KIAA0513: variants seen among roughly 807,000 people sequenced by gnomAD.
KIAA0513 encodes the protein KIAA0513, also known as uncharacterized protein KIAA0513.
Under a neutral mutation model 56.5 loss-of-function variants are expected in KIAA0513, and 39 were observed. That is an observed-to-expected ratio of 0.69 (90% CI 0.53 to 0.90). The LOEUF (loss-of-function observed/expected upper bound fraction) is 0.90, where lower values mean the gene tolerates loss of function less well. Among genes scored for constraint, KIAA0513 ranks in the 40% least tolerant of loss-of-function variants. The pLI, the probability that KIAA0513 is intolerant of heterozygous loss-of-function variation, is 0.00. For missense variants in KIAA0513, 591 were observed against 535.2 expected, an observed-to-expected ratio of 1.10 and a Z score of -1.03; for synonymous variants, 268 against 215.6, an observed-to-expected ratio of 1.24 and a Z score of -2.13.
rs1329920138 is a variant in KIAA0513, at chr16:85,081,648, C to G, written c.980+256C>G. On this transcript the variant is annotated intron_variant, in intron 9 of 12. Transcript: ENST00000683363. This position sits in a 1 kb window ranked among gnomAD's most constrained non-coding sequence, Gnocchi z 4.4. Reference sequence around the variant, plus strand: ...GGCCTGACCCTCCTAAAAATGCAAACTCCCACTAAGACCATCAGGACCCCT... The same window carrying G: ...GGCCTGACCCTCCTAAAAATGCAAAGTCCCACTAAGACCATCAGGACCCCT... Among the ~76,000 whole-genome samples, 1 of 152,176 alleles carries G rather than the reference C, an allele frequency of 6.6e-6. No individual in the cohort carries two copies. The highest frequency in any genetic ancestry group is 1.5e-5 in the Non-Finnish European group (1 of 68,030).
At chr16:85,069,865 A>G (rs545847294) in intron 2 of KIAA0513, among the ~76,000 whole-genome samples, 2 of 152,266 alleles carry the variant, frequency 1.3e-5, no homozygotes, top group South Asian at 4.1e-4. Context: ...CAGTTTCATT[A>G]ACACAATTAG....
rs1408977363 is a variant in KIAA0513 at position 85,092,403 on chromosome 16, G to C, written c.*4078G>C. ...AGAAAGAGAACTTTAAAAATTAGAG[G>C]GTCCCTTTCTGCAGAGGAAGGGATG... On this transcript the variant is annotated 3_prime_UTR_variant, in exon 13 of 13. Coordinates refer to ENST00000683363, the MANE Select transcript of KIAA0513 (RefSeq NM_001388359.1). 6.6e-6 allele frequency: 1 copy of C among 152,184 alleles called. No homozygotes were observed. The highest frequency in any genetic ancestry group is 1.5e-5 in the Non-Finnish European group (1 of 68,068). The allele number at this position is 152,184 out of a possible 1,614,324, so 9.4% of individuals were successfully genotyped here. A position where few individuals can be genotyped will look rare whatever the true frequency, so the allele number is the denominator to read the frequency against.
chr16:85,064,882 A>C (rs1255580432), intron 1 of KIAA0513, among the ~76,000 whole-genome samples: 1 of 152,076 alleles, frequency 6.6e-6, no homozygotes, highest in East Asian at 1.9e-4. Flanking sequence ...ATGGGGTTTC[A>C]CCATGTTGCC....
At chr16:85,047,731 C>T (rs180680005) in intron 1 of KIAA0513, among the ~76,000 whole-genome samples, 3 of 152,230 alleles carry the variant, frequency 2.0e-5, no homozygotes, top group East Asian at 3.9e-4. Flanking sequence ...TGACCCCTTT[C>T]CTGTTACTAG....
At chr16:85,053,747 C>T (rs975379131) in intron 1 of KIAA0513, among the ~76,000 whole-genome samples, 3 of 152,118 alleles carry the variant, frequency 2.0e-5, no homozygotes, top group Admixed American at 1.3e-4. Flanking sequence ...AATCCCAGCA[C>T]TTTGGGAGGC....
intron 1 of KIAA0513, among the ~76,000 whole-genome samples, chr16:85,048,370 AAG>A (rs2073200697): frequency 6.6e-6 from 1 of 152,226 alleles, no homozygotes; most frequent in South Asian, 2.1e-4. Flanking sequence ...TCTAAGAGTC[AAG>A]AGTCTTTAAT....
At chr16:85,041,283 T>C (rs2073100669) in intron 1 of KIAA0513, among the ~76,000 whole-genome samples, 1 of 152,168 alleles carries the variant, frequency 6.6e-6, no homozygotes, top group South Asian at 2.1e-4. Context: ...TCGCGCCAAC[T>C]GTTTCCTCTG....
intron 1 of KIAA0513, among the ~76,000 whole-genome samples, chr16:85,052,608 TTGGACG>T (rs1567528625): frequency 6.6e-6 from 1 of 152,202 alleles, no homozygotes; most frequent in Non-Finnish European, 1.5e-5. Context: ...GTATAGATTC[TTGGACG>T]TGGCTAACCA....
At chr16:85,078,488 C>T in intron 7 of KIAA0513, 33 bp downstream of exon 7, 1 of 1,603,372 alleles carries the variant, frequency 6.2e-7, no homozygotes, top group Non-Finnish European at 8.5e-7. Context: ...AGGAGACGCC[C>T]AGCCCACAGC....
chr16:85,072,477 CT>C (rs141944895), intron 3 of KIAA0513, among the ~76,000 whole-genome samples: 28,895 of 145,444 alleles, frequency 0.2, 3,295 homozygotes, highest in South Asian at 0.28. Context: ...CCAATAGGTT[CT>C]TTTTTTTTTT....
intron 1 of KIAA0513, among the ~76,000 whole-genome samples, chr16:85,057,695 C>G (rs7189971): frequency 0.049 from 7,494 of 152,144 alleles, 195 homozygotes; most frequent in African/African-American, 0.061. Context: ...AGGCAGTCAG[C>G]CAGAGCTAGC....
Position 85,078,395 on chromosome 16 carries a change from T to TGA in KIAA0513, c.783-20_783-19insGA, listed in dbSNP as rs1451235541. On this transcript the variant is annotated intron_variant, in intron 6 of 12. Transcript: ENST00000683363. ...GTGGTGTGAGTCGCGTGTGTCATCA[T>TGA]TGTGCCTTCTCTCCCTCAGGGAAGA... The TGA allele has an allele frequency of 5.6e-6, 9 of 1,613,810 alleles. No individual in the cohort carries two copies. The African/African-American group carries it at 1.2e-4, about 22-fold the overall frequency.
chr16:85,028,981 G>A (rs972033616), intron 1 of KIAA0513, among the ~76,000 whole-genome samples: 1 of 152,210 alleles, frequency 6.6e-6, no homozygotes, highest in African/African-American at 2.4e-5. Flanking sequence ...GCAGAGAGAT[G>A]CTTAACACCG....
chr16:85,028,924 G>A (rs62048414), intron 1 of KIAA0513, among the ~76,000 whole-genome samples: 33,654 of 152,118 alleles, frequency 0.22, 4,236 homozygotes, highest in Middle Eastern at 0.29. Flanking sequence ...TTGATGTTTC[G>A]GATTCATTTC....
intron 10 of KIAA0513, among the ~76,000 whole-genome samples, chr16:85,085,696 G>C (rs369659128): frequency 1.3e-5 from 2 of 152,202 alleles, no homozygotes; most frequent in African/African-American, 4.8e-5. Context: ...GCACTGAGGG[G>C]TGGGGAGCCC....
chr16:85,067,528 C>A (rs577766613), intron 2 of KIAA0513, 128 bp downstream of exon 2: 2 of 738,734 alleles, frequency 2.7e-6, no homozygotes, highest in Admixed American at 2.9e-5. Flanking sequence ...CCCCATCAGC[C>A]AGGGGTGGCG....
In KIAA0513 at chr16:85,033,982, C is replaced by T. The variant is rs142912828; in HGVS notation, c.-173+6124C>T. Among the ~76,000 whole-genome samples the T allele has an allele frequency of 4.1e-3, 631 of 152,264 alleles. 5 individuals are homozygous for T. Among genetic ancestry groups the T allele is most frequent in the Admixed American group, 9.4e-3 (143 of 15,282 alleles). Reference sequence around the variant, plus strand: ...TTAATGTCCCCAATTACCATCATCCCCCTCACCCCGTGGGCCATGCTCGCC... The same window carrying T: ...TTAATGTCCCCAATTACCATCATCCTCCTCACCCCGTGGGCCATGCTCGCC... On this transcript the variant is annotated intron_variant, in intron 1 of 12. Coordinates refer to ENST00000683363, the MANE Select transcript of KIAA0513 (RefSeq NM_001388359.1).
At position 85,078,972 on chromosome 16, in the gene KIAA0513, C is replaced by G. The variant is rs1281893394; in HGVS notation, c.871C>G (p.Leu291Val). ...EDEKKGEKIY[L>V]YTHLKQQPIW... Reference sequence around the variant, plus strand: ...CGAAAAGAAGGGGGAGAAGATCTACCTGTACACGCACCTGAAGCAACAGCC... The same window carrying G: ...CGAAAAGAAGGGGGAGAAGATCTACGTGTACACGCACCTGAAGCAACAGCC... Residue 291 changes from leucine (L) to valine (V), a missense_variant, in exon 8 of 13, where the codon CTG becomes GTG. Leu to Val is a conservative substitution (Grantham distance 32, BLOSUM62 1). Transcript: ENST00000683363. 2 of 1,614,074 alleles carry G rather than the reference C, an allele frequency of 1.2e-6. No individual in the cohort carries two copies. Among genetic ancestry groups the G allele is most frequent in the Non-Finnish European group, 1.7e-6 (2 of 1,180,048 alleles).
intron 1 of KIAA0513, among the ~76,000 whole-genome samples, chr16:85,059,760 A>G (rs72658740): frequency 0.084 from 12,853 of 152,242 alleles, 1,755 homozygotes; most frequent in African/African-American, 0.28. Context: ...ACGGCCAGGG[A>G]AGATCTTCAG....
Sources: gnomAD v4.1 joint callset for allele counts (sites outside exome capture counted in the v4.1 genomes callset) on GRCh38, gnomAD v4.1.1 for gene constraint, Gnocchi (gnomAD v3.1) non-coding constraint, MANE v1.5 for transcripts, NCBI Gene and HGNC (gene_info 2026-07-23, HGNC 2026-07-21) for gene names.